The following BRSK2 variants were observed in gnomAD, a reference collection of about 807,000 sequenced individuals.
The protein encoded by BRSK2 is serine/threonine-protein kinase BRSK2.
A neutral mutation model predicts 83.3 loss-of-function variants in BRSK2; 19 were observed. The ratio of observed to expected loss-of-function variants is 0.23; its 90% confidence interval spans 0.16 to 0.33. BRSK2 has a LOEUF of 0.33. BRSK2 is among the 10% of genes least tolerant of loss of function. The pLI, the probability that BRSK2 is intolerant of heterozygous loss-of-function variation, is 1.00. For synonymous variants in BRSK2, 519 were observed against 435.4 expected, an observed-to-expected ratio of 1.19 and a Z score of -2.39; for missense variants, 798 against 1,042.3, an observed-to-expected ratio of 0.77 and a Z score of 3.23.
In BRSK2 at chr11:1,390,973, G is replaced by A. The variant is rs1364319040; in HGVS notation, c.91+598G>A. ...GAGCGTCTGTGACCTGCATTCCCAC[G>A]GGGCAGGGAGAGGCCATTGGTGCTG... On this transcript the variant is annotated intron_variant, in intron 1 of 19. Coordinates refer to ENST00000528841, the MANE Select transcript of BRSK2 (RefSeq NM_001256627.2). The surrounding 1 kb of genome is among the most constrained non-coding windows in gnomAD (Gnocchi z 6.8). Among the ~76,000 whole-genome samples, 4 of 152,150 alleles carry A rather than the reference G, an allele frequency of 2.6e-5. No homozygotes were observed. The highest frequency in any genetic ancestry group is 9.7e-5 in the African/African-American group (4 of 41,446).
At chr11:1,402,209 G>A (rs909592020) in intron 1 of BRSK2, among the ~76,000 whole-genome samples, 9 of 152,236 alleles carry the variant, frequency 5.9e-5, no homozygotes, top group Non-Finnish European at 1.3e-4. Flanking sequence ...GGCGGTGGGT[G>A]TCGGGGCTCC....
chr11:1,404,932 C>T (rs1390503272), intron 1 of BRSK2, among the ~76,000 whole-genome samples: 4 of 141,132 alleles, frequency 2.8e-5, no homozygotes, highest in Non-Finnish European at 6.2e-5. Context: ...CCTCGCTGCC[C>T]CTGTGTCCTG....
At chr11:1,425,290 G>A (rs1452396856) in intron 1 of BRSK2, among the ~76,000 whole-genome samples, 1 of 152,190 alleles carries the variant, frequency 6.6e-6, no homozygotes, top group East Asian at 1.9e-4. Flanking sequence ...GGCTGGGCTG[G>A]AGGGGCTGCT....
chr11:1,440,516 C>T (rs1851066957), intron 3 of BRSK2, among the ~76,000 whole-genome samples: 1 of 152,078 alleles, frequency 6.6e-6, no homozygotes, highest in Non-Finnish European at 1.5e-5. Context: ...CGGCTGTGCC[C>T]CCAGAACCAT....
At chr11:1,459,413 C>T (rs1847120415) in intron 19 of BRSK2, 174 bp downstream of exon 19, 1 of 684,164 alleles carries the variant, frequency 1.5e-6, no homozygotes, top group East Asian at 2.7e-5. Flanking sequence ...GCCCAGGTCG[C>T]TCCCCTACCA....
chr11:1,435,018 A>G (rs1307498827), intron 1 of BRSK2, among the ~76,000 whole-genome samples: 2 of 150,652 alleles, frequency 1.3e-5, no homozygotes, highest in Non-Finnish European at 3.0e-5. Context: ...GCGGAGGGGG[A>G]CCGGGACCGT....
chr11:1,435,678 G>C (rs899924259), intron 1 of BRSK2, among the ~76,000 whole-genome samples: 10 of 151,456 alleles, frequency 6.6e-5, no homozygotes, highest in African/African-American at 2.4e-4. Flanking sequence ...GTGTGCGGGG[G>C]ACAGCCTTCT....
chr11:1,460,451 T>C (rs78131782), intron 19 of BRSK2, 49 bp from the exon 20 acceptor site: 36,717 of 1,192,268 alleles, frequency 0.031, 916 homozygotes, highest in Non-Finnish European at 0.036. Flanking sequence ...CCCCTTTTTT[T>C]TCTTTTTTCC....
chr11:1,442,966 C>A, intron 5 of BRSK2, 140 bp from the exon 6 acceptor site: 1 of 1,029,052 alleles, frequency 9.7e-7, no homozygotes, highest in Non-Finnish European at 1.4e-6. Flanking sequence ...AAAAGCCCGC[C>A]TGGGGATGCA....
chr11:1,457,390 A>C (rs1182628146), intron 18 of BRSK2, among the ~76,000 whole-genome samples: 1 of 152,160 alleles, frequency 6.6e-6, no homozygotes, highest in African/African-American at 2.4e-5. Flanking sequence ...GGGCTTCACC[A>C]CAGCCTGATG....
rs370561640 is a variant in BRSK2 at position 1,443,635 on chromosome 11, G to A, written c.780G>A (p.Thr260=). 78 of 1,595,706 alleles carry A rather than the reference G, an allele frequency of 4.9e-5. No individual in the cohort carries two copies. Among genetic ancestry groups the A allele is most frequent in the African/African-American group, 9.4e-5 (7 of 74,406 alleles). The change falls in exon 8 of 20, where the codon ACG becomes ACA. Residue 260 remains threonine (T), a splice_region_variant and synonymous_variant. Coordinates refer to ENST00000528841, the MANE Select transcript of BRSK2 (RefSeq NM_001256627.2). ...AGGTGGACGCCGCACGCCGCCTCAC[G>A]GTGCGTGCCCTCGGAGCGGGGCGGC... ...MIEVDAARRL[T]LEHIQKHIWY...
At chr11:1,442,095 CG>C (rs960157378) in intron 4 of BRSK2, among the ~76,000 whole-genome samples, 5 of 149,662 alleles carry the variant, frequency 3.3e-5, no homozygotes, top group Non-Finnish European at 7.4e-5. Context: ...GGCAGTGTGT[CG>C]GGAAGTTTTC....
In BRSK2 at chr11:1,427,627, C is replaced by T. The variant is rs114048690; in HGVS notation, c.92-8413C>T. Among the ~76,000 whole-genome samples, 698 of 152,358 alleles carry T rather than the reference C, an allele frequency of 4.6e-3. 5 individuals are homozygous for T. Among genetic ancestry groups the T allele is most frequent in the African/African-American group, 0.016 (666 of 41,582 alleles). On this transcript the variant is annotated intron_variant, in intron 1 of 19. Transcript: ENST00000528841. ...GGGCCTGGCGTGAGCTGCTGTGCAC[C>T]GCCTGCCCCCTCAGGGCCCTGGGCA...
Position 1,460,820 on chromosome 11 carries a change from T to G in BRSK2, c.*97T>G. ...AGTGGACCCGCGGCCGCGCCGCCCGTCCGTCCAGACTGTTCTCAGAGCCTG... is the reference window on the plus strand; with the variant it reads ...AGTGGACCCGCGGCCGCGCCGCCCGGCCGTCCAGACTGTTCTCAGAGCCTG... On this transcript the variant is annotated 3_prime_UTR_variant, in exon 20 of 20. Coordinates refer to ENST00000528841, the MANE Select transcript of BRSK2 (RefSeq NM_001256627.2). 1 of 1,456,054 alleles carries G rather than the reference T, an allele frequency of 6.9e-7. No individual in the cohort carries two copies. The highest frequency in any genetic ancestry group is 1.3e-5 in the South Asian group (1 of 78,444). The allele number at this position is 1,456,054 out of a possible 1,614,324, so 90.2% of individuals were successfully genotyped here.
At chr11:1,422,648 A>G (rs1377010187) in intron 1 of BRSK2, among the ~76,000 whole-genome samples, 2 of 152,066 alleles carry the variant, frequency 1.3e-5, no homozygotes, top group Non-Finnish European at 2.9e-5. Context: ...GCTTCCAAGG[A>G]CACTCCTCCC....
At chr11:1,447,489 A>G (rs1852311817) in intron 12 of BRSK2, among the ~76,000 whole-genome samples, 1 of 152,198 alleles carries the variant, frequency 6.6e-6, no homozygotes, top group African/African-American at 2.4e-5. Flanking sequence ...TGTCCCAGCC[A>G]GATTCCACTC....
Position 1,404,842 on chromosome 11 carries a change from C to T in BRSK2, c.91+14467C>T, listed in dbSNP as rs533905622. 1.8e-3 allele frequency among the ~76,000 whole-genome samples: 278 copies of T among 152,280 alleles called. 2 individuals carry two copies. Among genetic ancestry groups the T allele is most frequent in the African/African-American group, 6.6e-3 (274 of 41,560 alleles). ...ACGGCTCCTCTGGGACAGGCAGGCT[C>T]GCCGGGCTGGGGGCAGGGCTCAGCA... On this transcript the variant is annotated intron_variant, in intron 1 of 19. Transcript: ENST00000528841.
chr11:1,444,232 C>T (rs1341950399), intron 8 of BRSK2, among the ~76,000 whole-genome samples: 1 of 152,112 alleles, frequency 6.6e-6, no homozygotes, highest in Non-Finnish European at 1.5e-5. Context: ...GCTGAGTGCC[C>T]CCAGCAGCTG....
chr11:1,461,857 G>A lies in BRSK2; in HGVS notation c.*1134G>A, dbSNP rs1316316. 6.6e-6 allele frequency: 1 copy of A among 150,996 alleles called. No individual in the cohort carries two copies. Among genetic ancestry groups the A allele is most frequent in the Non-Finnish European group, 1.5e-5 (1 of 67,812 alleles). The allele number at this position is 150,996 out of a possible 1,614,324, so 9.4% of individuals were successfully genotyped here. On this transcript the variant is annotated 3_prime_UTR_variant, in exon 20 of 20. Coordinates refer to ENST00000528841, the MANE Select transcript of BRSK2 (RefSeq NM_001256627.2). Reference sequence around the variant, plus strand: ...GCTTCTTTCTACACACACATCTAAAGACGGTGCGGCTCGCTCTGTCATGGG... The same window carrying A: ...GCTTCTTTCTACACACACATCTAAAAACGGTGCGGCTCGCTCTGTCATGGG...
Sources: gnomAD v4.1 joint callset for allele counts (sites outside exome capture counted in the v4.1 genomes callset) on GRCh38, gnomAD v4.1.1 for gene constraint, Gnocchi (gnomAD v3.1) non-coding constraint, MANE v1.5 for transcripts, NCBI Gene and HGNC (gene_info 2026-07-23, HGNC 2026-07-21) for gene names.